The following TXLNB variants were observed in gnomAD, a reference collection of about 807,000 sequenced individuals.
TXLNB encodes beta-taxilin.
Under a neutral mutation model 57.4 loss-of-function variants are expected in TXLNB, and 37 were observed. That is an observed-to-expected ratio of 0.64 (90% CI 0.50 to 0.85). The LOEUF is 0.85. Ranked by LOEUF, TXLNB falls within the 40% of genes least tolerant of loss-of-function variation. The pLI is 0.00. For missense variants in TXLNB, 848 were observed against 825.6 expected (o/e 1.03, Z -0.33); for synonymous variants, 302 against 309.6 (o/e 0.98, Z 0.26).
the TXLNB span, among the ~76,000 whole-genome samples, chr6:139,228,289 G>A: frequency 1.4e-3 from 218 of 152,224 alleles, no homozygotes; most frequent in Non-Finnish European, 2.7e-3. Context: ...GCCGAGGCGG[G>A]TGGATCACCT....
chr6:139,313,808 C>T, the TXLNB span, among the ~76,000 whole-genome samples: 1 of 151,838 alleles, frequency 6.6e-6, no homozygotes, highest in African/African-American at 2.4e-5. Context: ...AATTCTAAGC[C>T]CCCCAACCGA....
chr6:139,318,098 T>C, the TXLNB span, among the ~76,000 whole-genome samples: 1 of 151,252 alleles, frequency 6.6e-6, no homozygotes, highest in African/African-American at 2.4e-5. Context: ...TGAAACCCCG[T>C]CCCTACTAAA....
At chr6:139,179,796 A>T in the TXLNB span, 2 of 152,232 alleles carry the variant, frequency 1.3e-5, no homozygotes, top group Non-Finnish European at 2.9e-5. Flanking sequence ...AGGATACTAA[A>T]AGGATATTAG....
the TXLNB span, among the ~76,000 whole-genome samples, chr6:139,216,260 G>A: frequency 6.6e-6 from 1 of 151,508 alleles, no homozygotes; most frequent in Non-Finnish European, 1.5e-5. Flanking sequence ...TTAAGAAAAT[G>A]TGGCACATAT....
chr6:139,210,550 G>C, the TXLNB span, among the ~76,000 whole-genome samples: 7 of 152,318 alleles, frequency 4.6e-5, no homozygotes, highest in African/African-American at 1.7e-4. Flanking sequence ...AGCTCCTAGC[G>C]TGAGCGACGC....
chr6:139,280,272 AAAAG>A (rs1375130351), intron 2 of TXLNB, among the ~76,000 whole-genome samples: 187 of 145,360 alleles, frequency 1.3e-3, no homozygotes, highest in African/African-American at 4.9e-3. Flanking sequence ...AAAAAAAAAA[AAAAG>A]AAAGAAAGAA....
intron 2 of TXLNB, among the ~76,000 whole-genome samples, chr6:139,287,894 C>A (rs955881065): frequency 6.6e-6 from 1 of 152,202 alleles, no homozygotes; most frequent in Non-Finnish European, 1.5e-5. Context: ...ATACTTACAG[C>A]TCCTTGACCA....
At chr6:139,316,001 T>C in the TXLNB span, among the ~76,000 whole-genome samples, 4 of 152,102 alleles carry the variant, frequency 2.6e-5, no homozygotes, top group African/African-American at 9.7e-5. Context: ...TTATATAATA[T>C]AGTAATAATA....
intron 1 of TXLNB, among the ~76,000 whole-genome samples, chr6:139,290,714 T>C (rs994532052): frequency 6.6e-6 from 1 of 152,216 alleles, no homozygotes; most frequent in Admixed American, 6.5e-5. Flanking sequence ...CTTTAAGTTA[T>C]GGTGCATTTT....
At chr6:139,220,761 A>T in the TXLNB span, among the ~76,000 whole-genome samples, 1 of 152,216 alleles carries the variant, frequency 6.6e-6, no homozygotes, top group Non-Finnish European at 1.5e-5. Flanking sequence ...ATTATATCAG[A>T]TAATGATAAA....
chr6:139,213,391 G>GAA, the TXLNB span, among the ~76,000 whole-genome samples: 27 of 152,272 alleles, frequency 1.8e-4, no homozygotes, highest in African/African-American at 5.8e-4. Context: ...GGTACATAAC[G>GAA]AAATGAAGGT....
the TXLNB span, among the ~76,000 whole-genome samples, chr6:139,212,924 A>G: frequency 6.6e-6 from 1 of 152,280 alleles, no homozygotes; most frequent in South Asian, 2.1e-4. Flanking sequence ...AACAAGAAGA[A>G]CTAACTATCC....
At chr6:139,320,848 A>G in the TXLNB span, among the ~76,000 whole-genome samples, 6 of 152,310 alleles carry the variant, frequency 3.9e-5, no homozygotes, top group African/African-American at 1.4e-4. Context: ...CACTTCTAAG[A>G]AAGCTCTTCT....
At chr6:139,308,205 T>C in the TXLNB span, among the ~76,000 whole-genome samples, 1 of 152,210 alleles carries the variant, frequency 6.6e-6, no homozygotes, top group Non-Finnish European at 1.5e-5. Flanking sequence ...AGAAACTGTT[T>C]GGAGTCACTG....
At chr6:139,279,557 GT>G (rs904841055) in intron 2 of TXLNB, among the ~76,000 whole-genome samples, 11 of 152,336 alleles carry the variant, frequency 7.2e-5, no homozygotes, top group African/African-American at 2.6e-4. Context: ...ACTGACCTCA[GT>G]TTTTAAACTT....
chr6:139,207,375 G>C, the TXLNB span, among the ~76,000 whole-genome samples: 1 of 152,126 alleles, frequency 6.6e-6, no homozygotes, highest in East Asian at 1.9e-4. Flanking sequence ...ATCTGCCCTT[G>C]AATGATCTTT....
chr6:139,292,306 A>C (rs533828484), upstream of TXLNB, among the ~76,000 whole-genome samples: 2 of 152,312 alleles, frequency 1.3e-5, no homozygotes, highest in South Asian at 4.1e-4. This position sits in a 1 kb window ranked among gnomAD's most constrained non-coding sequence, Gnocchi z 4.0. Flanking sequence ...TTAAACTCTG[A>C]GTATATTACC....
the TXLNB span, chr6:139,179,291 T>C: frequency 9.2e-5 from 14 of 152,252 alleles, no homozygotes. Flanking sequence ...TGCTGATCTT[T>C]AACCCACCTA....
chr6:139,286,667 T>C (rs933444302), intron 2 of TXLNB, among the ~76,000 whole-genome samples: 22 of 152,186 alleles, frequency 1.4e-4, no homozygotes, highest in Admixed American at 1.2e-3. Flanking sequence ...TATTTGCAGC[T>C]GCTCCCCATC....
Sources: gnomAD v4.1 joint callset for allele counts (sites outside exome capture counted in the v4.1 genomes callset) on GRCh38, gnomAD v4.1.1 for gene constraint, Gnocchi (gnomAD v3.1) non-coding constraint, MANE v1.5 for transcripts, NCBI Gene and HGNC (gene_info 2026-07-23, HGNC 2026-07-21) for gene names.